The following BPNT2 variants were observed in gnomAD, a reference collection of about 807,000 sequenced individuals.
BPNT2 encodes the protein 3'(2'), 5'-bisphosphate nucleotidase 2.
BPNT2 carries 11 observed loss-of-function variants against 29.3 expected under a neutral mutation model. The ratio of observed to expected loss-of-function variants is 0.38; its 90% CI spans 0.24 to 0.62. The LOEUF (loss-of-function observed/expected upper bound fraction) is 0.62. BPNT2 is among the 20% of genes least tolerant of loss of function. The probability of loss-of-function intolerance (pLI) is 0.62; values close to 1 mark genes in which losing one functional copy is unlikely to be tolerated. For missense variants in BPNT2, 459 were observed against 473.4 expected (o/e 0.97, Z 0.28); for synonymous variants, 195 against 187.7 (o/e 1.04, Z -0.32).
At chr8:56,983,057 T>C (rs966930678) in intron 1 of BPNT2, among the ~76,000 whole-genome samples, 4 of 152,128 alleles carry the variant, frequency 2.6e-5, no homozygotes, top group South Asian at 2.1e-4. Context: ...GACCGATTAG[T>C]GGTTGCCTGG....
chr8:56,987,694 A>G (rs187534618), intron 1 of BPNT2, among the ~76,000 whole-genome samples: 1 of 148,734 alleles, frequency 6.7e-6, no homozygotes, highest in East Asian at 2.0e-4. Flanking sequence ...TCTCTGGAGA[A>G]CCCTGACCAA....
intron 1 of BPNT2, among the ~76,000 whole-genome samples, chr8:56,980,691 G>C (rs1212965408): frequency 6.7e-6 from 1 of 150,092 alleles, no homozygotes; most frequent in East Asian, 2.0e-4. Flanking sequence ...TTACCATACA[G>C]ATATGTAAGG....
rs537561676 is a variant in BPNT2, at chr8:56,980,189, A to C, written c.396T>G (p.Thr132=). 178 of 1,613,408 alleles carry C rather than the reference A, an allele frequency of 1.1e-4. 2 individuals carry two copies. The highest frequency in any genetic ancestry group is 1.0e-3 in the South Asian group (95 of 91,064). The part of the protein sequence containing the change: ...KTAFPSVQIN[T]EEHVDAADQE... The stretch of plus-strand genomic sequence containing the variant: ...GATCAGCTGCATCCACGTGTTCCTC[A>C]GTATTAATCTGCATTAAAAACAGGT... Residue 132 remains threonine (T), a synonymous_variant, in exon 2 of 5, where the codon ACT becomes ACG. Transcript: ENST00000262644.
At chr8:56,977,190 G>T (rs546819271) in intron 3 of BPNT2, among the ~76,000 whole-genome samples, 10 of 152,172 alleles carry the variant, frequency 6.6e-5, no homozygotes, top group African/African-American at 2.4e-4. Flanking sequence ...TCAGATAATG[G>T]ATACTCAATC....
chr8:56,969,016 C>G (rs922792080), intron 3 of BPNT2, among the ~76,000 whole-genome samples: 10 of 152,124 alleles, frequency 6.6e-5, no homozygotes, highest in Admixed American at 2.0e-4. Context: ...TGAAGATAGG[C>G]AGAGACTGGC....
At chr8:56,978,257 T>C (rs537587507) in intron 2 of BPNT2, 112 bp from the exon 3 acceptor site, 2 of 769,830 alleles carry the variant, frequency 2.6e-6, no homozygotes, top group East Asian at 5.1e-5. Flanking sequence ...TGAAATATCT[T>C]TCCAAAACAA....
Position 56,978,148 on chromosome 8 carries a change from A to AT in BPNT2, c.551-4dup. The AT allele has an allele frequency of 1.3e-6, 2 of 1,580,762 alleles. No individual in the cohort carries two copies. Among genetic ancestry groups the AT allele is most frequent in the Non-Finnish European group, 1.7e-6 (2 of 1,151,024 alleles). On this transcript the variant is annotated splice_region_variant and splice_polypyrimidine_tract_variant and intron_variant, in intron 2 of 4. Coordinates refer to ENST00000262644, the MANE Select transcript of BPNT2 (RefSeq NM_017813.5). ...AGTGACGTACTTTCGAAGATCCTCT[A>AT]TGAGAAAAAAAACAAAACAACACAC...
At position 56,993,417 on chromosome 8, in the gene BPNT2, C is replaced by A. The variant is rs1361729558; in HGVS notation, c.169G>T (p.Asp57Tyr). 2.0e-6 allele frequency: 3 copies of A among 1,526,352 alleles called. No individual in the cohort carries two copies. Among genetic ancestry groups the A allele is most frequent in the East Asian group, 2.6e-5 (1 of 38,294 alleles). The allele number at this position is 1,526,352 out of a possible 1,614,324, so 94.6% of individuals were successfully genotyped here. Residue 57 changes from aspartate (D) to tyrosine (Y), a missense_variant, in exon 1 of 5, where the codon GAT becomes TAT. Asp to Tyr is a radical substitution (Grantham distance 160). Coordinates refer to ENST00000262644, the MANE Select transcript of BPNT2 (RefSeq NM_017813.5). The part of the protein sequence containing the change: ...GGAAGPAAAA[D>Y]GGTVDLREML... ...TCGCGCAAGTCCACGGTGCCCCCAT[C>A]GGCCGCGGCCGCGGGCCCCGCCGCG...
Position 56,993,324 on chromosome 8 carries a change from T to C in BPNT2, c.262A>G (p.Asn88Asp). ...CCCTTGGACTTCTCGTGGAGGACGT[T>C]GCTCTCGCGGACGCGCCTCACCTCG... Reference protein sequence around the residue: ...GDEVRRVRESNVLHEKSKGKT... With the variant: ...GDEVRRVRESDVLHEKSKGKT... The change falls in exon 1 of 5, where the codon AAC becomes GAC. Residue 88 changes from asparagine to aspartate, a missense_variant. By Grantham distance (23) the Asn-to-Asp change is conservative. Transcript: ENST00000262644. The C allele has an allele frequency of 6.2e-7, 1 of 1,611,846 alleles. No individual in the cohort carries two copies. Among genetic ancestry groups the C allele is most frequent in the East Asian group, 2.2e-5 (1 of 44,824 alleles).
At chr8:56,986,837 A>G (rs1324956028) in intron 1 of BPNT2, among the ~76,000 whole-genome samples, 1 of 152,250 alleles carries the variant, frequency 6.6e-6, no homozygotes, top group Non-Finnish European at 1.5e-5. Context: ...TTTCTTTACA[A>G]TGAATGGTGC....
chr8:56,980,997 G>A (rs1259860400), intron 1 of BPNT2, among the ~76,000 whole-genome samples: 2 of 143,694 alleles, frequency 1.4e-5, no homozygotes, highest in East Asian at 2.4e-4. Flanking sequence ...CCTTTAAATT[G>A]AGATTGCTCA....
At chr8:56,986,405 T>C (rs1806327281) in intron 1 of BPNT2, among the ~76,000 whole-genome samples, 1 of 152,166 alleles carries the variant, frequency 6.6e-6, no homozygotes, top group Non-Finnish European at 1.5e-5. Context: ...AGGTACAGAA[T>C]AGTAGGAGTG....
At chr8:56,977,981 A>G in intron 3 of BPNT2, 69 bp downstream of exon 3, 1 of 986,470 alleles carries the variant, frequency 1.0e-6, no homozygotes, top group Non-Finnish European at 1.6e-6. Flanking sequence ...ATTTAGGTAC[A>G]TGACAGTAAA....
Position 56,959,570 on chromosome 8 carries a change from T to C in BPNT2, c.*4223A>G, listed in dbSNP as rs1232741905. ...GTCACTTTTTAAACCAAAATGACTGTAGAGGACTAACAGCACACTGAAATA... is the reference window on the plus strand; with the variant it reads ...GTCACTTTTTAAACCAAAATGACTGCAGAGGACTAACAGCACACTGAAATA... On this transcript the variant is annotated 3_prime_UTR_variant, in exon 5 of 5. Coordinates refer to ENST00000262644, the MANE Select transcript of BPNT2 (RefSeq NM_017813.5). 1 of 152,218 alleles carries C rather than the reference T, an allele frequency of 6.6e-6. No individual in the cohort carries two copies. The highest frequency in any genetic ancestry group is 1.5e-5 in the Non-Finnish European group (1 of 68,030). The allele number at this position is 152,218 out of a possible 1,614,324, so 9.4% of individuals were successfully genotyped here.
rs369907391 is a variant in BPNT2 at position 56,959,301 on chromosome 8, T to C, written c.*4492A>G. On this transcript the variant is annotated 3_prime_UTR_variant, in exon 5 of 5. Transcript: ENST00000262644. ...CCAACCTTAAAAATAAATAAAGCTT[T>C]GCCAATGGTAAATTGGAATGCATAT... 2.0e-5 allele frequency: 3 copies of C among 152,206 alleles called. No homozygotes were observed. Among genetic ancestry groups the C allele is most frequent in the African/African-American group, 7.2e-5 (3 of 41,468 alleles). The allele number at this position is 152,206 out of a possible 1,614,324, so 9.4% of individuals were successfully genotyped here.
At chr8:56,972,653 G>A (rs1368246135) in intron 3 of BPNT2, among the ~76,000 whole-genome samples, 2 of 152,056 alleles carry the variant, frequency 1.3e-5, no homozygotes, top group Non-Finnish European at 2.9e-5. Context: ...AGAATCTAAA[G>A]CTGGATTATT....
chr8:56,977,554 A>G (rs1452671887), intron 3 of BPNT2, among the ~76,000 whole-genome samples: 1 of 152,174 alleles, frequency 6.6e-6, no homozygotes, highest in Admixed American at 6.6e-5. Flanking sequence ...GTCCCCCAAA[A>G]AGATATGTTG....
rs11428357 is a variant in BPNT2 at position 56,968,389 on chromosome 8, TA to T, written c.647-2038del. 7.3e-3 allele frequency among the ~76,000 whole-genome samples: 885 copies of T among 121,676 alleles called. 11 individuals are homozygous for T. The highest frequency in any genetic ancestry group is 0.02 in the African/African-American group (643 of 32,450). 79.8% of individuals were successfully genotyped at this position (121,676 alleles called of 152,430 possible). ...AGGGATCACAGAGAAAGTGATAGAT[TA>T]AAAAAAAAAAAAACAAAAAAGAGTC... On this transcript the variant is annotated intron_variant, in intron 3 of 4. Transcript: ENST00000262644.
chr8:56,969,139 T>C (rs1296966210), intron 3 of BPNT2, among the ~76,000 whole-genome samples: 1 of 152,210 alleles, frequency 6.6e-6, no homozygotes, highest in Non-Finnish European at 1.5e-5. Flanking sequence ...ACTGACTCCT[T>C]GATACCAGAC....
Sources: gnomAD v4.1 joint callset for allele counts (sites outside exome capture counted in the v4.1 genomes callset) on GRCh38, gnomAD v4.1.1 for gene constraint, MANE v1.5 for transcripts, NCBI Gene and HGNC (gene_info 2026-07-23, HGNC 2026-07-21) for gene names.